Variants in AFF1 observed in about 807,000 individuals in gnomAD.
AFF1 encodes AF4/FMR2 family member 1.
A neutral mutation model predicts 121.7 loss-of-function variants in AFF1; 48 were observed. The observed-to-expected ratio is 0.39, with a 90% CI of 0.31 to 0.50. The LOEUF is 0.50. AFF1 is among the 20% of genes least tolerant of loss of function. The pLI is 0.76. For missense variants in AFF1, 1,523 were observed against 1,511.7 expected (o/e 1.01, Z -0.12); for synonymous variants, 613 against 563.0 (o/e 1.09, Z -1.26).
At chr4:86,966,897 G>A (rs994217321) in intron 2 of AFF1, among the ~76,000 whole-genome samples, 1 of 152,184 alleles carries the variant, frequency 6.6e-6, no homozygotes, top group Non-Finnish European at 1.5e-5. Context: ...TTCCCTTAGT[G>A]TGGTGTTCAA....
rs181814439 is a variant in AFF1, at chr4:87,122,700, A to G, written c.2467-2337A>G. Reference sequence around the variant, plus strand: ...TTTATCTTATCTAAGCAGTATATTTATAATTCCTTCTTTGCATTGGCTAAT... The same window carrying G: ...TTTATCTTATCTAAGCAGTATATTTGTAATTCCTTCTTTGCATTGGCTAAT... On this transcript the variant is annotated intron_variant, in intron 12 of 20. Coordinates refer to ENST00000395146, the MANE Select transcript of AFF1 (RefSeq NM_001166693.3). 7.4e-4 allele frequency among the ~76,000 whole-genome samples: 112 copies of G among 152,230 alleles called. 1 individual carries two copies. In the East Asian group the frequency reaches 9.6e-3, roughly 13 times the overall value.
chr4:87,001,367 C>T (rs1725712242), intron 2 of AFF1, among the ~76,000 whole-genome samples: 1 of 151,892 alleles, frequency 6.6e-6, no homozygotes, highest in Non-Finnish European at 1.5e-5. Context: ...CAGGCGCTTG[C>T]CTCCACGCCT....
In AFF1 at chr4:87,091,411, AAAAAC is replaced by A. The variant is rs1057302176; in HGVS notation, c.1192-372_1192-368del. 2.6e-5 allele frequency among the ~76,000 whole-genome samples: 4 copies of A among 152,358 alleles called. No homozygotes were observed. The East Asian group carries it at 5.8e-4, about 22-fold the overall frequency. On this transcript the variant is annotated intron_variant, in intron 6 of 20. Coordinates refer to ENST00000395146, the MANE Select transcript of AFF1 (RefSeq NM_001166693.3). ...AAAGCGAGACTCCGTCTCAAAAACAAAAAACAAAACAAAAAAAACAGTGACTCATT... is the reference window on the plus strand; with the variant it reads ...AAAGCGAGACTCCGTCTCAAAAACAAAAAACAAAAAAAACAGTGACTCATT...
intron 1 of AFF1, among the ~76,000 whole-genome samples, chr4:86,944,392 A>G (rs1479352726): frequency 1.3e-5 from 2 of 148,452 alleles, no homozygotes; most frequent in Non-Finnish European, 3.0e-5. Flanking sequence ...TTTTTTGGAC[A>G]GTCTTGTTCT....
At chr4:86,953,142 A>T (rs1005855264) in intron 2 of AFF1, among the ~76,000 whole-genome samples, 14 of 151,910 alleles carry the variant, frequency 9.2e-5, no homozygotes, top group African/African-American at 3.4e-4. Flanking sequence ...AGCTGTTTTT[A>T]TTATTTGTTA....
chr4:87,064,830 G>A (rs892442221), intron 4 of AFF1, among the ~76,000 whole-genome samples: 12 of 149,684 alleles, frequency 8.0e-5, no homozygotes, highest in African/African-American at 2.7e-4. Context: ...TCGAGATCGC[G>A]TCATTGCACT....
chr4:86,959,355 T>A (rs1377164482), intron 2 of AFF1, among the ~76,000 whole-genome samples: 1 of 152,242 alleles, frequency 6.6e-6, no homozygotes, highest in Non-Finnish European at 1.5e-5. Flanking sequence ...TTATTTTTAA[T>A]TTTAAAAGTT....
rs373948794 is a variant in AFF1, at chr4:87,046,791, C to G, written c.256C>G (p.Arg86Gly). The G allele has an allele frequency of 5.0e-6, 8 of 1,614,058 alleles. No individual in the cohort carries two copies. In the Admixed American group the frequency reaches 1.3e-4, roughly 27 times the overall value. ...CCTTAGTACTAAGTCTCACACTCAT[C>G]GCCTGGATGCTTCTGAAAATAGGTT... is the stretch of plus-strand genomic sequence containing the variant. ...EFLSTKSHTH[R>G]LDASENRLGK... The change falls in exon 4 of 21, where the codon CGC becomes GGC. Residue 86 changes from arginine to glycine, a missense_variant. Physicochemically the swap from Arg to Gly is moderately radical, Grantham distance 125. Around this residue, in one of 5 missense-constraint regions of AFF1, gnomAD observed 369 missense variants for 367.2 expected, o/e 1.00. Coordinates refer to ENST00000395146, the MANE Select transcript of AFF1 (RefSeq NM_001166693.3).
intron 1 of AFF1, among the ~76,000 whole-genome samples, chr4:86,942,201 T>C (rs35480728): frequency 0.063 from 9,661 of 152,256 alleles, 425 homozygotes; most frequent in Non-Finnish European, 0.088. Context: ...TTGAGTTTGT[T>C]CCAAGAAACT....
At position 87,124,734 on chromosome 4, in the gene AFF1, A is replaced by C. The variant is rs543953417; in HGVS notation, c.2467-303A>C. On this transcript the variant is annotated intron_variant, in intron 12 of 20. Coordinates refer to ENST00000395146, the MANE Select transcript of AFF1 (RefSeq NM_001166693.3). ...TAGAAAAACATCAGTGGTCTATTGA[A>C]GTCTACTTACTGGCATTGTCTGTTA... 3.3e-5 allele frequency among the ~76,000 whole-genome samples: 5 copies of C among 152,312 alleles called. No homozygotes were observed. The South Asian group carries it at 1.0e-3, about 32-fold the overall frequency.
intron 2 of AFF1, among the ~76,000 whole-genome samples, chr4:87,042,468 C>T (rs1057441168): frequency 5.3e-5 from 8 of 152,174 alleles, no homozygotes; most frequent in Non-Finnish European, 8.8e-5. Context: ...GAGTTCCACC[C>T]AAGAGGGAGT....
intron 1 of AFF1, among the ~76,000 whole-genome samples, chr4:86,942,148 CA>C (rs1720511987): frequency 6.6e-6 from 1 of 152,160 alleles, no homozygotes; most frequent in African/African-American, 2.4e-5. Context: ...AATATTGTCT[CA>C]TAAGATGAAG....
intron 2 of AFF1, among the ~76,000 whole-genome samples, chr4:86,950,586 A>G (rs1489435112): frequency 6.6e-6 from 1 of 152,238 alleles, no homozygotes; most frequent in Admixed American, 6.5e-5. Flanking sequence ...ATGCAACAGA[A>G]TAGATGATGG....
At chr4:86,984,331 C>CTTTTTTTTTTTTTTTTTTTTTTTTTTTTT (rs1350597456) in intron 2 of AFF1, among the ~76,000 whole-genome samples, 1 of 126,212 alleles carries the variant, frequency 7.9e-6, no homozygotes, top group Non-Finnish European at 1.7e-5. Context: ...ATTTTTTTTT[C>CTTTTTTTTTTTTTTTTTTTTTTTTTTTTT]TTTTTTTTTT....
At chr4:86,967,369 G>T (rs1386495674) in intron 2 of AFF1, among the ~76,000 whole-genome samples, 2 of 152,196 alleles carry the variant, frequency 1.3e-5, no homozygotes, top group Admixed American at 6.5e-5. Context: ...GGAACTGAAT[G>T]AAGTTCACTG....
chr4:87,019,226 A>G (rs777297475), intron 2 of AFF1, among the ~76,000 whole-genome samples: 2 of 152,224 alleles, frequency 1.3e-5, no homozygotes, highest in Non-Finnish European at 2.9e-5. Context: ...TACCAGTGAT[A>G]TTATGATTAT....
chr4:87,134,512 C>T lies in AFF1; in HGVS notation c.3353C>T (p.Pro1118Leu), dbSNP rs1284347767. Residue 1118 changes from proline to leucine, a missense_variant, in exon 20 of 21, where the codon CCT (proline) becomes CTT (leucine). Physicochemically the swap from Pro to Leu is moderately conservative, Grantham distance 98. Around this residue, in one of 5 missense-constraint regions of AFF1, gnomAD observed 241 missense variants for 265.2 expected, o/e 0.91. Transcript: ENST00000395146. ...TPSPLSPMPS[P>L]ASSVGSQSSA... ...TCCCCTCTTTCCCCAATGCCTTCTC[C>T]TGCCAGCTCCGTAGGGTCCCAGTCA... is the stretch of plus-strand genomic sequence containing the variant. 1 of 1,612,258 alleles carries T rather than the reference C, an allele frequency of 6.2e-7. No homozygotes were observed. The highest frequency in any genetic ancestry group is 1.7e-5 in the Admixed American group (1 of 59,890).
At chr4:87,066,149 T>C (rs964126734) in intron 4 of AFF1, among the ~76,000 whole-genome samples, 7 of 152,216 alleles carry the variant, frequency 4.6e-5, no homozygotes, top group African/African-American at 1.7e-4. Flanking sequence ...TTTTTACTTA[T>C]TGATTGGCAC....
intron 2 of AFF1, among the ~76,000 whole-genome samples, chr4:86,978,701 G>T (rs1345576057): frequency 1.3e-5 from 2 of 152,104 alleles, no homozygotes; most frequent in East Asian, 3.9e-4. Flanking sequence ...ATATATCCTT[G>T]TCTGTAGCCA....
Sources: gnomAD v4.1 joint callset for allele counts (sites outside exome capture counted in the v4.1 genomes callset) on GRCh38, gnomAD v4.1.1 for gene constraint, gnomAD v4.1.1 regional missense constraint, MANE v1.5 for transcripts, NCBI Gene and HGNC (gene_info 2026-07-23, HGNC 2026-07-21) for gene names.